DPP10: variants seen among roughly 807,000 people sequenced by gnomAD.
The protein encoded by DPP10 is inactive dipeptidyl peptidase 10.
In DPP10, 33 loss-of-function variants were observed where a neutral mutation model predicts 120.9. The ratio of observed to expected loss-of-function variants is 0.27; its 90% CI spans 0.21 to 0.37. The LOEUF (loss-of-function observed/expected upper bound fraction) is 0.37, where lower values mean the gene tolerates loss of function less well. Ranked by LOEUF, DPP10 falls within the 10% of genes least tolerant of loss-of-function variation. DPP10 has a pLI of 1.00. For synonymous variants in DPP10, 337 were observed against 326.1 expected (o/e 1.03, Z -0.36); for missense variants, 816 against 942.8 (o/e 0.87, Z 1.76).
intron 1 of DPP10, among the ~76,000 whole-genome samples, chr2:114,752,709 C>T (rs547162928): frequency 1.1e-4 from 17 of 152,288 alleles, no homozygotes; most frequent in Admixed American, 4.6e-4. Flanking sequence ...GTTTCTAAAA[C>T]GTTCTGTTAC....
At position 114,466,742 on chromosome 2, in the gene DPP10, C is replaced by T. The variant is rs144485313; in HGVS notation, c.60+23904C>T. On this transcript the variant is annotated intron_variant, in intron 1 of 25. Coordinates refer to ENST00000410059, the MANE Select transcript of DPP10 (RefSeq NM_020868.6). ...TATAGAACGTAAGCAATTGTCTGTTCGCTTTGAAAAGTAACCCTTGGCAGG... is the reference window on the plus strand; with the variant it reads ...TATAGAACGTAAGCAATTGTCTGTTTGCTTTGAAAAGTAACCCTTGGCAGG... Among the ~76,000 whole-genome samples the T allele has an allele frequency of 1.4e-4, 22 of 152,254 alleles. No homozygotes were observed. In the East Asian group the frequency reaches 2.3e-3, roughly 16 times the overall value.
chr2:115,329,167 A>G (rs1288412041), intron 2 of DPP10, among the ~76,000 whole-genome samples: 1 of 152,068 alleles, frequency 6.6e-6, no homozygotes. Flanking sequence ...ATAATAAATT[A>G]TATTTCATTT....
intron 1 of DPP10, among the ~76,000 whole-genome samples, chr2:114,797,555 G>A (rs1298443464): frequency 6.6e-6 from 1 of 152,170 alleles, no homozygotes; most frequent in African/African-American, 2.4e-5. Flanking sequence ...TAATAGTATG[G>A]CAAAGGGGCA....
At chr2:115,831,097 A>G (rs1436760306) in intron 21 of DPP10, among the ~76,000 whole-genome samples, 1 of 152,208 alleles carries the variant, frequency 6.6e-6, no homozygotes, top group Non-Finnish European at 1.5e-5. Flanking sequence ...AAGCGAATTA[A>G]TAGTTTTAAT....
chr2:115,793,538 G>A (rs1302685354), intron 19 of DPP10, among the ~76,000 whole-genome samples: 1 of 151,806 alleles, frequency 6.6e-6, no homozygotes, highest in Non-Finnish European at 1.5e-5. Flanking sequence ...ATGGATAATA[G>A]TATTTTAAAG....
At chr2:115,569,992 C>A (rs1401055967) in intron 5 of DPP10, among the ~76,000 whole-genome samples, 4 of 152,064 alleles carry the variant, frequency 2.6e-5, no homozygotes, top group South Asian at 2.1e-4. Flanking sequence ...TTGTTTAAAT[C>A]AAGTTTACTG....
intron 1 of DPP10, among the ~76,000 whole-genome samples, chr2:115,159,294 T>C (rs763692354): frequency 2.0e-5 from 3 of 152,022 alleles, no homozygotes; most frequent in Non-Finnish European, 4.4e-5. Context: ...CCGTCTCCAC[T>C]AAAAATGCAA....
intron 1 of DPP10, among the ~76,000 whole-genome samples, chr2:114,854,755 T>A (rs566052046): frequency 6.6e-6 from 1 of 152,320 alleles, no homozygotes; most frequent in East Asian, 1.9e-4. Flanking sequence ...GGCTAACCCA[T>A]GGGGCATCAG....
intron 1 of DPP10, among the ~76,000 whole-genome samples, chr2:115,288,027 A>G (rs1316421012): frequency 6.6e-6 from 1 of 152,102 alleles, no homozygotes; most frequent in East Asian, 1.9e-4. Context: ...TCCTTTGGGT[A>G]GATATTTGGT....
chr2:114,585,326 T>C (rs1051878268), intron 1 of DPP10, among the ~76,000 whole-genome samples: 1 of 152,182 alleles, frequency 6.6e-6, no homozygotes, highest in Non-Finnish European at 1.5e-5. Context: ...CTCCAGCGCA[T>C]TTCCCTCTCG....
intron 5 of DPP10, among the ~76,000 whole-genome samples, chr2:115,558,356 C>T (rs908646320): frequency 3.9e-5 from 6 of 152,166 alleles, no homozygotes; most frequent in African/African-American, 1.4e-4. Flanking sequence ...GCAAGGACTC[C>T]TGAAGATCTC....
intron 1 of DPP10, among the ~76,000 whole-genome samples, chr2:115,057,938 T>C (rs1706064406): frequency 6.6e-6 from 1 of 152,224 alleles, no homozygotes. Flanking sequence ...AAGCCTACTT[T>C]TTCTTTGATT....
At chr2:115,042,271 T>C (rs1170676532) in intron 1 of DPP10, among the ~76,000 whole-genome samples, 2 of 152,110 alleles carry the variant, frequency 1.3e-5, no homozygotes, top group African/African-American at 4.8e-5. Flanking sequence ...ATTGCTATTG[T>C]AATTATTTTT....
intron 3 of DPP10, among the ~76,000 whole-genome samples, chr2:115,357,956 C>CGAG (rs946455873): frequency 2.6e-5 from 4 of 151,966 alleles, no homozygotes; most frequent in Admixed American, 2.0e-4. Context: ...GACACAGTAC[C>CGAG]GAGGCTATAC....
At chr2:115,560,725 G>T (rs2080594905) in intron 5 of DPP10, among the ~76,000 whole-genome samples, 1 of 151,656 alleles carries the variant, frequency 6.6e-6, no homozygotes, top group Non-Finnish European at 1.5e-5. Flanking sequence ...AGCTAGCAAA[G>T]TGATACTGTT....
chr2:115,232,681 C>T (rs887396588), intron 1 of DPP10, among the ~76,000 whole-genome samples: 16 of 152,180 alleles, frequency 1.1e-4, no homozygotes, highest in African/African-American at 3.6e-4. Flanking sequence ...ATTTCATTTC[C>T]TTTTGTAATC....
In DPP10 at chr2:115,295,487, G is replaced by A. The variant is rs55638512; in HGVS notation, c.61-13752G>A. On this transcript the variant is annotated intron_variant, in intron 1 of 25. Transcript: ENST00000410059. ...TATGTGTTAGAAATGGCTAATAACC[G>A]TCACAGAGTAGTTGAGAAGTTAAAA... Among the ~76,000 whole-genome samples the A allele has an allele frequency of 5.4e-3, 822 of 152,080 alleles. 7 individuals are homozygous for A. Among genetic ancestry groups the A allele is most frequent in the African/African-American group, 0.018 (759 of 41,500 alleles).
intron 1 of DPP10, among the ~76,000 whole-genome samples, chr2:114,874,268 C>T (rs576804685): frequency 7.2e-5 from 11 of 152,274 alleles, no homozygotes; most frequent in African/African-American, 2.4e-4. Flanking sequence ...TCGACTTTGT[C>T]TGTGCTAGAA....
chr2:115,827,427 T>TAC, intron 21 of DPP10, among the ~76,000 whole-genome samples: 1 of 141,780 alleles, frequency 7.1e-6, no homozygotes, highest in African/African-American at 2.6e-5. Flanking sequence ...TATATATATA[T>TAC]ATATATATAT....
Sources: allele counts gnomAD v4.1 joint callset (sites outside exome capture counted in the v4.1 genomes callset), GRCh38; gene constraint gnomAD v4.1.1; transcripts MANE v1.5; gene names NCBI Gene and HGNC (gene_info 2026-07-23, HGNC 2026-07-21).